Variants in KAT6B observed in about 807,000 individuals in gnomAD.
The protein encoded by KAT6B is lysine acetyltransferase 6B, also known as histone acetyltransferase KAT6B.
A neutral mutation model predicts 187.5 loss-of-function variants in KAT6B; 10 were observed. The observed-to-expected ratio is 0.05, with a 90% confidence interval of 0.03 to 0.09. KAT6B has a LOEUF of 0.09. Among genes scored for constraint, KAT6B ranks in the 10% least tolerant of loss-of-function variants. The probability of loss-of-function intolerance (pLI) is 1.00; values close to 1 mark genes in which losing one functional copy is unlikely to be tolerated. For missense variants in KAT6B, 1,952 were observed against 2,558.9 expected (o/e 0.76, Z 5.12); for synonymous variants, 861 against 926.8 (o/e 0.93, Z 1.29).
chr10:74,828,675 G>A (rs1840478254), intron 1 of KAT6B, among the ~76,000 whole-genome samples: 1 of 143,050 alleles, frequency 7.0e-6, no homozygotes, highest in Non-Finnish European at 1.5e-5. Flanking sequence ...TCACGCCATT[G>A]TCCTGCCTCA....
intron 3 of KAT6B, among the ~76,000 whole-genome samples, chr10:74,951,152 C>T (rs1382299554): frequency 6.7e-6 from 1 of 149,552 alleles, no homozygotes; most frequent in African/African-American, 2.5e-5. Context: ...TCTTTTGAGA[C>T]AGAATCTTGC....
At chr10:74,916,815 A>G (rs915581937) in intron 3 of KAT6B, among the ~76,000 whole-genome samples, 1 of 152,168 alleles carries the variant, frequency 6.6e-6, no homozygotes, top group African/African-American at 2.4e-5. Flanking sequence ...TAAAAACTAA[A>G]CACTGGCCTG....
At chr10:74,976,437 A>G (rs1242831435) in intron 8 of KAT6B, 107 bp downstream of exon 8, 2 of 912,038 alleles carry the variant, frequency 2.2e-6, no homozygotes, top group African/African-American at 1.6e-5. Context: ...GGTCTTAGCT[A>G]TTTCTCTTGT....
At chr10:74,940,991 A>T (rs1454777280) in intron 3 of KAT6B, among the ~76,000 whole-genome samples, 1 of 152,156 alleles carries the variant, frequency 6.6e-6, no homozygotes, top group African/African-American at 2.4e-5. Flanking sequence ...TTAATCCCAG[A>T]CCTATTGAGT....
Position 74,919,224 on chromosome 10 carries a change from A to G in KAT6B, c.622-40746A>G, listed in dbSNP as rs182597615. On this transcript the variant is annotated intron_variant, in intron 3 of 17. Transcript: ENST00000287239. ...GGCAAAAGAGCAAAACTCCATATCT[A>G]TCTATCTATATATATATATTTTTTT... Among the ~76,000 whole-genome samples, 151 of 152,158 alleles carry G rather than the reference A, an allele frequency of 9.9e-4. 1 individual carries two copies. Among genetic ancestry groups the G allele is most frequent in the African/African-American group, 2.7e-3 (111 of 41,522 alleles).
chr10:74,872,016 C>T (rs748618294), intron 3 of KAT6B, among the ~76,000 whole-genome samples: 1 of 152,206 alleles, frequency 6.6e-6, no homozygotes, highest in Non-Finnish European at 1.5e-5. Flanking sequence ...GGAAAACAGG[C>T]TCCTGGATAG....
rs1564891845 is a variant in KAT6B at position 74,830,744 on chromosome 10, A to ATG, written c.-329+3960_-329+3961insGT. On this transcript the variant is annotated intron_variant, in intron 1 of 17. Transcript: ENST00000287239. ...TGCACAGCTCTTCATATATATATAT[A>ATG]TATATATATATATATATATATATAT... Among the ~76,000 whole-genome samples, 26 of 15,044 alleles carry ATG rather than the reference A, an allele frequency of 1.7e-3. 1 individual carries two copies. The highest frequency in any genetic ancestry group is 3.5e-3 in the African/African-American group (5 of 1,410). The allele number at this position is 15,044 out of a possible 152,430, so 9.9% of individuals were successfully genotyped here.
At chr10:74,900,983 C>T (rs1564551668) in intron 3 of KAT6B, among the ~76,000 whole-genome samples, 1 of 152,016 alleles carries the variant, frequency 6.6e-6, no homozygotes, top group East Asian at 1.9e-4. Context: ...AGTGTGTGTC[C>T]TTTGAAATGT....
intron 3 of KAT6B, among the ~76,000 whole-genome samples, chr10:74,920,030 C>T (rs554212957): frequency 1.1e-3 from 166 of 152,206 alleles, no homozygotes; most frequent in Non-Finnish European, 2.0e-3. Flanking sequence ...GGGTCTTCTT[C>T]TGTAGTTTCT....
chr10:74,940,592 C>G (rs10824248), intron 3 of KAT6B, among the ~76,000 whole-genome samples: 10 of 132,670 alleles, frequency 7.5e-5, no homozygotes, highest in African/African-American at 2.6e-4. Flanking sequence ...TTTTTTTTTT[C>G]TTTCTTTAAA....
rs568126301 is a variant in KAT6B at position 75,032,047 on chromosome 10, C to T, written c.*1001C>T. The T allele has an allele frequency of 1.0e-5, 2 of 194,198 alleles. No individual in the cohort carries two copies. Among genetic ancestry groups the T allele is most frequent in the Admixed American group, 6.1e-5 (1 of 16,394 alleles). The allele number at this position is 194,198 out of a possible 1,614,324, so 12.0% of individuals were successfully genotyped here. On this transcript the variant is annotated 3_prime_UTR_variant, in exon 18 of 18. Coordinates refer to ENST00000287239, the MANE Select transcript of KAT6B (RefSeq NM_012330.4). ...AATAGCTCAAACTAAGCTTACAAAT[C>T]GCATGTAAAAAAGCAAAAAAGTTAT... is the stretch of plus-strand genomic sequence containing the variant.
At chr10:74,850,043 AT>A (rs1842375774) in intron 3 of KAT6B, among the ~76,000 whole-genome samples, 1 of 150,692 alleles carries the variant, frequency 6.6e-6, no homozygotes, top group South Asian at 2.1e-4. Flanking sequence ...GGTTCACGCC[AT>A]TCTCCTGCCT....
intron 3 of KAT6B, among the ~76,000 whole-genome samples, chr10:74,891,845 C>T (rs1845664770): frequency 6.6e-6 from 1 of 152,166 alleles, no homozygotes; most frequent in Non-Finnish European, 1.5e-5. Flanking sequence ...CAGATATTCT[C>T]AGTTCTTTAA....
At chr10:75,024,704 G>A (rs1478601064) in intron 16 of KAT6B, among the ~76,000 whole-genome samples, 5 of 152,170 alleles carry the variant, frequency 3.3e-5, no homozygotes, top group African/African-American at 9.7e-5. Flanking sequence ...AAAATCTCCA[G>A]TCAAGCTGCT....
chr10:74,932,012 G>C (rs567311167), intron 3 of KAT6B, among the ~76,000 whole-genome samples: 1 of 152,132 alleles, frequency 6.6e-6, no homozygotes, highest in Non-Finnish European at 1.5e-5. Flanking sequence ...ACGCCCGGCT[G>C]AAAGCATGTT....
chr10:75,030,354 G>T lies in KAT6B; in HGVS notation c.5530G>T (p.Ala1844Ser). ...YSHSAAVTSY[A>S]NSASLSTPLS... ...CCATTCCGCTGCTGTGACTTCCTAT[G>T]CAAACAGTGCCTCTTTGTCCACACC... is the stretch of plus-strand genomic sequence containing the variant. Residue 1844 changes from alanine to serine, a missense_variant, in exon 18 of 18, where the codon GCA (alanine) becomes TCA (serine). Physicochemically the swap from Ala to Ser is moderately conservative, Grantham distance 99. Coordinates refer to ENST00000287239, the MANE Select transcript of KAT6B (RefSeq NM_012330.4). This position sits in a 1 kb window ranked among gnomAD's most constrained non-coding sequence, Gnocchi z 4.8. 3 of 1,614,196 alleles carry T rather than the reference G, an allele frequency of 1.9e-6. No homozygotes were observed. The highest frequency in any genetic ancestry group is 2.5e-6 in the Non-Finnish European group (3 of 1,180,032).
intron 4 of KAT6B, among the ~76,000 whole-genome samples, chr10:74,962,096 T>TC (rs1047112498): frequency 4.6e-5 from 7 of 152,196 alleles, no homozygotes; most frequent in Non-Finnish European, 8.8e-5. Flanking sequence ...CACTTAATCT[T>TC]CCCTTGAGTG....
intron 13 of KAT6B, among the ~76,000 whole-genome samples, chr10:74,997,953 A>G (rs375058148): frequency 2.6e-5 from 4 of 152,232 alleles, no homozygotes; most frequent in Non-Finnish European, 1.5e-5. Context: ...CTCTACTAAA[A>G]ATACAGAAAA....
chr10:74,866,795 C>T (rs925084989), intron 3 of KAT6B, among the ~76,000 whole-genome samples: 1 of 152,138 alleles, frequency 6.6e-6, no homozygotes, highest in African/African-American at 2.4e-5. Flanking sequence ...CAAAATGAGA[C>T]TTTCTTCTTG....
Sources: gnomAD v4.1 joint callset for allele counts (sites outside exome capture counted in the v4.1 genomes callset) on GRCh38, gnomAD v4.1.1 for gene constraint, Gnocchi (gnomAD v3.1) non-coding constraint, MANE v1.5 for transcripts, NCBI Gene and HGNC (gene_info 2026-07-23, HGNC 2026-07-21) for gene names.